The following ARHGEF33 variants were observed in gnomAD, a reference collection of about 807,000 sequenced individuals.
ARHGEF33 encodes Rho guanine nucleotide exchange factor 33.
In ARHGEF33, 72 loss-of-function variants were observed where a neutral mutation model predicts 101.9. The observed-to-expected ratio is 0.71, with a 90% CI of 0.58 to 0.86. The LOEUF (loss-of-function observed/expected upper bound fraction) is 0.86. Among genes scored for constraint, ARHGEF33 ranks in the 40% least tolerant of loss-of-function variants. The pLI is 0.00. For synonymous variants in ARHGEF33, 499 were observed against 442.5 expected (o/e 1.13, Z -1.60); for missense variants, 1,169 against 1,111.3 (o/e 1.05, Z -0.74).
At chr2:38,914,621 C>T (rs1368944489) in intron 2 of ARHGEF33, among the ~76,000 whole-genome samples, 3 of 147,180 alleles carry the variant, frequency 2.0e-5, no homozygotes, top group African/African-American at 7.6e-5. Context: ...GAGCCTGGAT[C>T]TCACCACTGT....
rs1042685078 is a variant in ARHGEF33, at chr2:38,960,160, G to C, written c.1855G>C (p.Gly619Arg). Residue 619 changes from glycine (G) to arginine (R), a missense_variant, in exon 16 of 18, where the codon GGC becomes CGC. By Grantham distance (125) the Gly-to-Arg change is moderately radical. Transcript: ENST00000409978. ...CGCGGCCTACGAAGAGTTCGAGTAC[G>C]GCGGCGAGATCTTCGCGCTGCCCGC... ...VPAAYEEFEY[G>R]GEIFALPAPY... The C allele has an allele frequency of 3.2e-6, 5 of 1,542,082 alleles. No homozygotes were observed. The South Asian group carries it at 3.6e-5, about 11-fold the overall frequency.
At chr2:38,932,066 A>G (rs1469730037) in intron 7 of ARHGEF33, among the ~76,000 whole-genome samples, 1 of 152,202 alleles carries the variant, frequency 6.6e-6, no homozygotes, top group East Asian at 1.9e-4. Context: ...AAAAATCTAA[A>G]TCAAGTGGCT....
Position 38,904,656 on chromosome 2 carries a change from T to C in ARHGEF33, c.-86+8807T>C, listed in dbSNP as rs377107724. Among the ~76,000 whole-genome samples the C allele has an allele frequency of 4.9e-5, 7 of 142,470 alleles. No homozygotes were observed. The South Asian group carries it at 1.5e-3, about 31-fold the overall frequency. 93.5% of individuals were successfully genotyped at this position (142,470 alleles called of 152,430 possible). A position where few individuals can be genotyped will look rare whatever the true frequency, so the allele number is the denominator to read the frequency against. On this transcript the variant is annotated intron_variant, in intron 2 of 17. Coordinates refer to ENST00000409978, the MANE Select transcript of ARHGEF33 (RefSeq NM_001145451.5). Reference sequence around the variant, plus strand: ...TGGGAGGCAGAGGTGAGCAGTGAGCTGAGATTGCACCACTGCACTCCAGCC... The same window carrying C: ...TGGGAGGCAGAGGTGAGCAGTGAGCCGAGATTGCACCACTGCACTCCAGCC...
chr2:38,972,809 G>A (rs1251313369), intron 17 of ARHGEF33, among the ~76,000 whole-genome samples: 2 of 152,176 alleles, frequency 1.3e-5, no homozygotes, highest in Non-Finnish European at 2.9e-5. Context: ...TCAGCATATG[G>A]AGAACTTGGT....
intron 17 of ARHGEF33, chr2:38,971,967 T>C (rs899363700): frequency 2.8e-6 from 2 of 718,420 alleles, no homozygotes; most frequent in African/African-American, 1.7e-5. Flanking sequence ...CAGTTGCATG[T>C]TGGAACCATC....
intron 16 of ARHGEF33, 98 bp from the exon 17 acceptor site, chr2:38,965,908 G>C (rs1668040612): frequency 1.4e-6 from 2 of 1,428,866 alleles, no homozygotes; most frequent in African/African-American, 1.4e-5. Context: ...TTTTGGCATG[G>C]GAGAGGAAAG....
intron 2 of ARHGEF33, among the ~76,000 whole-genome samples, chr2:38,904,093 A>C (rs963970938): frequency 1.3e-5 from 2 of 152,240 alleles, no homozygotes; most frequent in African/African-American, 4.8e-5. Context: ...GAATAACAGT[A>C]GAAAAATTTG....
chr2:38,907,603 G>A (rs906655733), intron 2 of ARHGEF33, among the ~76,000 whole-genome samples: 9 of 152,250 alleles, frequency 5.9e-5, no homozygotes, highest in African/African-American at 2.2e-4. Flanking sequence ...ATTTCCTGAG[G>A]ACTAAAGTTT....
chr2:38,929,607 T>C (rs555305692), intron 5 of ARHGEF33, 102 bp from the exon 6 acceptor site: 2 of 910,180 alleles, frequency 2.2e-6, no homozygotes, highest in Non-Finnish European at 3.0e-6. Flanking sequence ...CATTCATTCA[T>C]TCATTCAATA....
At chr2:38,916,586 A>G (rs1231696067) in intron 2 of ARHGEF33, among the ~76,000 whole-genome samples, 1 of 152,218 alleles carries the variant, frequency 6.6e-6, no homozygotes, top group Admixed American at 6.6e-5. Context: ...TCATGCTTAC[A>G]TGAAAAATGT....
At chr2:38,941,038 T>C (rs1287885045) in intron 9 of ARHGEF33, among the ~76,000 whole-genome samples, 1 of 152,204 alleles carries the variant, frequency 6.6e-6, no homozygotes, top group African/African-American at 2.4e-5. Flanking sequence ...GTAGTGATGT[T>C]ATCTATAGGA....
intron 4 of ARHGEF33, among the ~76,000 whole-genome samples, chr2:38,924,748 T>G (rs1666836192): frequency 2.0e-5 from 3 of 152,226 alleles, no homozygotes; most frequent in Non-Finnish European, 4.4e-5. Context: ...AAATATAATT[T>G]GTATAGTTAC....
intron 4 of ARHGEF33, among the ~76,000 whole-genome samples, chr2:38,926,562 C>T (rs559892516): frequency 1.3e-5 from 2 of 152,210 alleles, no homozygotes; most frequent in Admixed American, 1.3e-4. Flanking sequence ...GTGGCAGGCA[C>T]CCATGGAGCT....
At chr2:38,942,747 GC>G (rs762782096) in intron 9 of ARHGEF33, among the ~76,000 whole-genome samples, 5 of 151,774 alleles carry the variant, frequency 3.3e-5, no homozygotes, top group African/African-American at 1.2e-4. Flanking sequence ...ACGTATATAT[GC>G]TTTTTCTTCT....
chr2:38,905,129 G>A (rs1666362058), intron 2 of ARHGEF33, among the ~76,000 whole-genome samples: 1 of 151,892 alleles, frequency 6.6e-6, no homozygotes, highest in African/African-American at 2.4e-5. Context: ...GAACAGCCCA[G>A]TGACATTATT....
rs150435126 is a variant in ARHGEF33, at chr2:38,958,153, T to G, written c.1490T>G (p.Leu497Trp). Residue 497 changes from leucine to tryptophan, a missense_variant, in exon 15 of 18, where the codon TTG becomes TGG. Leu to Trp is a moderately conservative substitution (Grantham distance 61, BLOSUM62 -2). Coordinates refer to ENST00000409978, the MANE Select transcript of ARHGEF33 (RefSeq NM_001145451.5). ...VRDTGIHSEE[L>W]LQPYPSAPSS... ...GACACTGGGATCCACTCAGAAGAGT[T>G]GCTGCAACCCTACCCTTCTGCTCCC... is the stretch of plus-strand genomic sequence containing the variant. 8.4e-6 allele frequency: 13 copies of G among 1,551,718 alleles called. No individual in the cohort carries two copies. The African/African-American group carries it at 1.4e-4, about 16-fold the overall frequency.
chr2:38,910,394 A>G (rs1666482946), intron 2 of ARHGEF33, among the ~76,000 whole-genome samples: 1 of 152,140 alleles, frequency 6.6e-6, no homozygotes, highest in Admixed American at 6.6e-5. Context: ...AACACGGTGA[A>G]ACCCCGTCTC....
At chr2:38,917,246 C>G (rs1027924773) in intron 2 of ARHGEF33, among the ~76,000 whole-genome samples, 12 of 151,784 alleles carry the variant, frequency 7.9e-5, no homozygotes, top group Non-Finnish European at 1.6e-4. Context: ...CACCTGCCAC[C>G]ATGCCTGGCT....
chr2:38,930,500 T>A (rs1294180659), intron 6 of ARHGEF33, among the ~76,000 whole-genome samples: 1 of 151,762 alleles, frequency 6.6e-6, no homozygotes, highest in African/African-American at 2.4e-5. Flanking sequence ...GGTGTGGCCA[T>A]CACGCTAGCT....
Sources: allele counts gnomAD v4.1 joint callset (sites outside exome capture counted in the v4.1 genomes callset), GRCh38; gene constraint gnomAD v4.1.1; transcripts MANE v1.5; gene names NCBI Gene and HGNC (gene_info 2026-07-23, HGNC 2026-07-21).